PCDH11X: variants seen among roughly 807,000 people sequenced by gnomAD.
PCDH11X encodes protocadherin 11 X-linked, also known as protocadherin-11 X-linked.
In PCDH11X, 18 loss-of-function variants were observed where a neutral mutation model predicts 53.3. That is an observed-to-expected ratio of 0.34 (90% confidence interval 0.23 to 0.50). The LOEUF (loss-of-function observed/expected upper bound fraction) is 0.50. Ranked by LOEUF, PCDH11X falls within the 20% of genes least tolerant of loss-of-function variation. The pLI is 0.98. For missense variants in PCDH11X, 570 were observed against 1,032.4 expected (o/e 0.55, Z 6.14); for synonymous variants, 279 against 393.3 (o/e 0.71, Z 3.44).
At chrX:91,936,814 G>A (rs1361483064) in intron 6 of PCDH11X, among the ~76,000 whole-genome samples, 1 of 107,574 alleles carries the variant, frequency 9.3e-6, no homozygotes. Context: ...AATTGAATGG[G>A]CTTAACACTT....
chrX:92,342,761 A>G (rs140235727), intron 8 of PCDH11X, among the ~76,000 whole-genome samples: 2,001 of 111,046 alleles, frequency 0.018, 56 homozygotes, highest in East Asian at 0.097. Context: ...TCACTAGCTG[A>G]GTGATGTGTT....
At chrX:91,955,962 A>T (rs1057482998) in intron 6 of PCDH11X, among the ~76,000 whole-genome samples, 8 of 110,048 alleles carry the variant, frequency 7.3e-5, no homozygotes, top group African/African-American at 2.7e-4. Context: ...GTTCATATAT[A>T]TTTAGGATAG....
intron 6 of PCDH11X, among the ~76,000 whole-genome samples, chrX:92,120,901 T>C (rs1042811133): frequency 9.9e-5 from 11 of 111,473 alleles, no homozygotes; most frequent in African/African-American, 3.6e-4. Context: ...AATCATAAAG[T>C]CTTTTCTACT....
In PCDH11X at chrX:92,393,897, G is replaced by A. The variant is rs1441397133; in HGVS notation, c.3343+5964G>A. On this transcript the variant is annotated intron_variant, in intron 9 of 10. Transcript: ENST00000682573. ...GATCTGATAGCAGATGCTCTGTGAC[G>A]TATATTAATTTTACCATTTAAACTG... 4.5e-5 allele frequency among the ~76,000 whole-genome samples: 5 copies of A among 111,354 alleles called. No individual in the cohort carries two copies. The East Asian group carries it at 1.1e-3, about 25-fold the overall frequency.
intron 8 of PCDH11X, among the ~76,000 whole-genome samples, chrX:92,293,470 A>T (rs2068535775): frequency 9.1e-6 from 1 of 109,563 alleles, no homozygotes; most frequent in Admixed American, 9.8e-5. Context: ...AAAAAATACA[A>T]AAAATTAGCC....
chrX:92,605,425 C>T (rs774116411), intron 10 of PCDH11X, among the ~76,000 whole-genome samples: 9 of 111,450 alleles, frequency 8.1e-5, no homozygotes, highest in Non-Finnish European at 1.5e-4. Context: ...ATACTTACCA[C>T]TTCTATTAAA....
chrX:92,474,789 G>T (rs3899400), intron 10 of PCDH11X, among the ~76,000 whole-genome samples: 39,895 of 102,051 alleles, frequency 0.39, 7,630 homozygotes, highest in African/African-American at 0.6. Flanking sequence ...TGTTTTTATT[G>T]ATATATTGTT....
chrX:91,802,512 T>A (rs1385229929), intron 1 of PCDH11X, among the ~76,000 whole-genome samples: 1 of 111,407 alleles, frequency 9.0e-6, no homozygotes, highest in Non-Finnish European at 1.9e-5. Context: ...GCCCACACAT[T>A]CTGATAATTT....
chrX:92,561,319 C>G (rs112811680), intron 10 of PCDH11X, among the ~76,000 whole-genome samples: 1 of 106,240 alleles, frequency 9.4e-6, no homozygotes, highest in Non-Finnish European at 1.9e-5. Flanking sequence ...GCACTGGGGA[C>G]CAATCCTAGA....
chrX:92,262,052 T>C (rs752133161), intron 7 of PCDH11X, among the ~76,000 whole-genome samples: 1 of 111,150 alleles, frequency 9.0e-6, no homozygotes, highest in Non-Finnish European at 1.9e-5. Context: ...TGAATGCTTA[T>C]CTCAATTTCA....
At chrX:92,615,019 G>C (rs1369125106) in intron 10 of PCDH11X, among the ~76,000 whole-genome samples, 1 of 111,643 alleles carries the variant, frequency 9.0e-6, no homozygotes, top group African/African-American at 3.3e-5. Flanking sequence ...ATAAAATGTA[G>C]AGGGCTTGAC....
intron 6 of PCDH11X, among the ~76,000 whole-genome samples, chrX:92,001,480 T>TG (rs1349578734): frequency 9.3e-6 from 1 of 107,710 alleles, no homozygotes; most frequent in Non-Finnish European, 1.9e-5. Context: ...TTCTTTTTTT[T>TG]TTTTTGAGAC....
chrX:92,278,924 G>A (rs2068180590), intron 8 of PCDH11X, among the ~76,000 whole-genome samples: 2 of 105,617 alleles, frequency 1.9e-5, no homozygotes, highest in African/African-American at 7.0e-5. Context: ...CGAGTCTCCT[G>A]CCTTAGCCTT....
At chrX:91,874,104 C>T (rs1185088392) in intron 5 of PCDH11X, among the ~76,000 whole-genome samples, 10 of 110,882 alleles carry the variant, frequency 9.0e-5, no homozygotes, top group Non-Finnish European at 1.3e-4. Context: ...TATTAAGTGC[C>T]ATGGATTTTA....
intron 1 of PCDH11X, among the ~76,000 whole-genome samples, chrX:91,800,170 T>C: frequency 9.0e-6 from 1 of 110,728 alleles, no homozygotes; most frequent in South Asian, 3.9e-4. Flanking sequence ...CTCTCTTTTT[T>C]CCTTCTTCCA....
intron 6 of PCDH11X, among the ~76,000 whole-genome samples, chrX:91,904,845 G>T (rs192785284): frequency 9.2e-6 from 1 of 109,157 alleles, no homozygotes; most frequent in Admixed American, 9.9e-5. Context: ...TTTGTGCACC[G>T]ATCCAACAGC....
intron 10 of PCDH11X, among the ~76,000 whole-genome samples, chrX:92,588,358 T>TG (rs1924630649): frequency 1.3e-5 from 1 of 77,801 alleles, no homozygotes; most frequent in African/African-American, 7.2e-5. Flanking sequence ...TTTCATATAC[T>TG]TGTGTGTGTG....
intron 10 of PCDH11X, among the ~76,000 whole-genome samples, chrX:92,585,603 C>T (rs1924301432): frequency 9.1e-6 from 1 of 109,481 alleles, no homozygotes; most frequent in African/African-American, 3.3e-5. Flanking sequence ...ATCTCCTGAC[C>T]TCATGATCCA....
chrX:92,053,219 T>C (rs988223760), intron 6 of PCDH11X, among the ~76,000 whole-genome samples: 1 of 111,224 alleles, frequency 9.0e-6, no homozygotes, highest in African/African-American at 3.3e-5. Context: ...AGACAATTTT[T>C]ATTTTACTGG....
Sources: allele counts gnomAD v4.1 joint callset (sites outside exome capture counted in the v4.1 genomes callset), GRCh38; gene constraint gnomAD v4.1.1; transcripts MANE v1.5; gene names NCBI Gene and HGNC (gene_info 2026-07-23, HGNC 2026-07-21).